The following GANC variants were observed in gnomAD, a reference collection of about 807,000 sequenced individuals.
GANC encodes the protein neutral alpha-glucosidase C.
A neutral mutation model predicts 124.2 loss-of-function variants in GANC; 117 were observed. The observed-to-expected ratio is 0.94, with a 90% CI of 0.81 to 1.10. The LOEUF (loss-of-function observed/expected upper bound fraction) is 1.10. GANC is among the 50% of genes least tolerant of loss of function. The pLI is 0.00. For synonymous variants in GANC, 377 were observed against 376.8 expected (o/e 1.00, Z -0.01); for missense variants, 1,140 against 1,095.0 (o/e 1.04, Z -0.58).
At chr15:42,302,188 C>G (rs193006570) in intron 6 of GANC, among the ~76,000 whole-genome samples, 1 of 152,286 alleles carries the variant, frequency 6.6e-6, no homozygotes, top group African/African-American at 2.4e-5. Context: ...TCTGCAGCCT[C>G]TGCTGGTAAT....
At chr15:42,333,878 G>A (rs1229117719) in intron 15 of GANC, among the ~76,000 whole-genome samples, 5 of 152,170 alleles carry the variant, frequency 3.3e-5, no homozygotes, top group African/African-American at 1.2e-4. Context: ...AGGGGCTGGT[G>A]GAGGTGGGAG....
chr15:42,341,644 A>G (rs539597731), intron 18 of GANC, among the ~76,000 whole-genome samples: 1 of 151,780 alleles, frequency 6.6e-6, no homozygotes, highest in African/African-American at 2.4e-5. Context: ...GCTCACTGCA[A>G]CCTCTGCCTC....
chr15:42,295,671 C>A (rs891934767), intron 5 of GANC, among the ~76,000 whole-genome samples: 4 of 150,444 alleles, frequency 2.7e-5, no homozygotes, highest in African/African-American at 9.8e-5. Flanking sequence ...CACACACACA[C>A]ACACACACAC....
At chr15:42,290,581 G>A (rs1181649813) in intron 4 of GANC, among the ~76,000 whole-genome samples, 4 of 152,162 alleles carry the variant, frequency 2.6e-5, no homozygotes, top group Non-Finnish European at 5.9e-5. Context: ...GCCAAGGCAG[G>A]AGGATTGCTT....
chr15:42,331,722 C>T (rs926310791), intron 15 of GANC, among the ~76,000 whole-genome samples: 3 of 152,084 alleles, frequency 2.0e-5, no homozygotes, highest in Non-Finnish European at 4.4e-5. Flanking sequence ...AATCTAAATA[C>T]ATAACAATAA....
At chr15:42,310,216 G>A in intron 8 of GANC, 67 bp from the exon 9 acceptor site, 1 of 1,200,316 alleles carries the variant, frequency 8.3e-7, no homozygotes, top group Non-Finnish European at 1.2e-6. Flanking sequence ...GAAGAGTAGA[G>A]CTGTTCTATT....
At chr15:42,300,661 C>A (rs1269811851) in intron 6 of GANC, among the ~76,000 whole-genome samples, 3 of 152,124 alleles carry the variant, frequency 2.0e-5, no homozygotes, top group Non-Finnish European at 4.4e-5. Flanking sequence ...ATGTTTATTG[C>A]AGCACTATTT....
At position 42,353,356 on chromosome 15, in the gene GANC, C is replaced by G. The variant is rs2052475791; in HGVS notation, c.*1217C>G. On this transcript the variant is annotated 3_prime_UTR_variant, in exon 24 of 24. Transcript: ENST00000318010. ...TCCTGCCCTTACCATCCTTCCAGGC[C>G]CAACTTAAATCCCACTTTCCCATGA... The G allele has an allele frequency of 3.0e-6, 3 of 985,916 alleles. No homozygotes were observed. The highest frequency in any genetic ancestry group is 9.4e-5 in the South Asian group (2 of 21,288). The allele number at this position is 985,916 out of a possible 1,614,324, so 61.1% of individuals were successfully genotyped here. A position where few individuals can be genotyped will look rare whatever the true frequency, so the allele number is the denominator to read the frequency against.
At chr15:42,286,847 C>G (rs2051794020) in intron 3 of GANC, among the ~76,000 whole-genome samples, 1 of 152,180 alleles carries the variant, frequency 6.6e-6, no homozygotes, top group Admixed American at 6.5e-5. Context: ...ATAGTAACAA[C>G]ACAGGCACCC....
At chr15:42,285,656 G>A (rs576804731) in intron 3 of GANC, among the ~76,000 whole-genome samples, 14 of 152,234 alleles carry the variant, frequency 9.2e-5, no homozygotes, top group Middle Eastern at 3.4e-3. Flanking sequence ...TTAGCCTGGT[G>A]TGATGGCACG....
At chr15:42,294,179 A>G (rs1466963963) in intron 5 of GANC, among the ~76,000 whole-genome samples, 1 of 151,638 alleles carries the variant, frequency 6.6e-6, no homozygotes, top group Non-Finnish European at 1.5e-5. Context: ...GAAGAGGCAC[A>G]TGGTACAAAG....
At chr15:42,346,356 G>A (rs2052363488) in intron 20 of GANC, among the ~76,000 whole-genome samples, 2 of 152,152 alleles carry the variant, frequency 1.3e-5, no homozygotes, top group African/African-American at 4.8e-5. Flanking sequence ...GGGCAGAGGA[G>A]GGTTAAGGAG....
At position 42,339,892 on chromosome 15, in the gene GANC, G is replaced by A. The variant is rs147876789; in HGVS notation, c.2067G>A (p.Val689=). Residue 689 remains valine, a synonymous_variant, in exon 17 of 24, where the codon GTG becomes GTA. Transcript: ENST00000318010. The part of the protein sequence containing the change: ...YWYSLFYHAH[V]ASQPVMRPLW... The stretch of plus-strand genomic sequence containing the variant: ...ATTCTCTGTTCTACCATGCACACGT[G>A]GCTTCCCAACCTGTCATGAGGTAAA... 63 of 1,613,744 alleles carry A rather than the reference G, an allele frequency of 3.9e-5. No individual in the cohort carries two copies. The African/African-American group carries it at 6.1e-4, about 16-fold the overall frequency.
chr15:42,339,742 G>T lies in GANC; in HGVS notation c.1917G>T (p.Gln639His), dbSNP rs1339678010. 6.2e-7 allele frequency: 1 copy of T among 1,614,168 alleles called. No homozygotes were observed. Among genetic ancestry groups the T allele is most frequent in the Non-Finnish European group, 8.5e-7 (1 of 1,180,030 alleles). Reference sequence around the variant, plus strand: ...GTTGGTACCAGGCTGGAGCCTACCAGCCCTTCTTCCGTGGCCATGCCACCA... The same window carrying T: ...GTTGGTACCAGGCTGGAGCCTACCATCCCTTCTTCCGTGGCCATGCCACCA... ...LVRWYQAGAY[Q>H]PFFRGHATMN... The change falls in exon 17 of 24, where the codon CAG (glutamine) becomes CAT (histidine). Residue 639 changes from glutamine to histidine, a missense_variant. Physicochemically the swap from Gln to His is conservative, Grantham distance 24. Transcript: ENST00000318010.
At chr15:42,314,118 T>A in intron 10 of GANC, 1 of 747,652 alleles carries the variant, frequency 1.3e-6, no homozygotes. Flanking sequence ...AGGAAGATAC[T>A]GAGAAAAGGA....
chr15:42,275,069 T>A (rs2051649459), intron 1 of GANC, among the ~76,000 whole-genome samples: 1 of 152,102 alleles, frequency 6.6e-6, no homozygotes, highest in Non-Finnish European at 1.5e-5. Flanking sequence ...GATTCTCCAA[T>A]CTTTGTACAC....
In GANC at chr15:42,275,780, G is replaced by A. The variant is rs951594207; in HGVS notation, c.30-568G>A. On this transcript the variant is annotated intron_variant, in intron 1 of 23. Coordinates refer to ENST00000318010, the MANE Select transcript of GANC (RefSeq NM_198141.3). Reference sequence around the variant, plus strand: ...AGCAAGAAATTCCCCTTCTACGTCTGTTCTGTTCTTATTCTAGCACCTTGC... The same window carrying A: ...AGCAAGAAATTCCCCTTCTACGTCTATTCTGTTCTTATTCTAGCACCTTGC... Among the ~76,000 whole-genome samples the A allele has an allele frequency of 1.1e-3, 162 of 152,224 alleles. 1 individual carries two copies. The highest frequency in any genetic ancestry group is 3.8e-3 in the African/African-American group (156 of 41,530).
intron 3 of GANC, among the ~76,000 whole-genome samples, chr15:42,282,700 C>T (rs1363232255): frequency 1.3e-5 from 2 of 152,176 alleles, no homozygotes; most frequent in African/African-American, 4.8e-5. Context: ...CCAATCTGCT[C>T]CTTAATAAAC....
intron 16 of GANC, 129 bp downstream of exon 16, chr15:42,338,619 G>A: frequency 1.4e-6 from 1 of 705,166 alleles, no homozygotes; most frequent in Non-Finnish European, 2.5e-6. Flanking sequence ...GAAAAAATGT[G>A]AGAAAGTGAA....
Sources: gnomAD v4.1 joint callset for allele counts (sites outside exome capture counted in the v4.1 genomes callset) on GRCh38, gnomAD v4.1.1 for gene constraint, MANE v1.5 for transcripts, NCBI Gene and HGNC (gene_info 2026-07-23, HGNC 2026-07-21) for gene names.